The following MLC1 variants were observed in gnomAD, a reference collection of about 807,000 sequenced individuals.
MLC1 encodes membrane protein MLC1.
A neutral mutation model predicts 44.7 loss-of-function variants in MLC1; 32 were observed. That is an observed-to-expected ratio of 0.72 (90% CI 0.54 to 0.96). The LOEUF (loss-of-function observed/expected upper bound fraction) is 0.96, where lower values mean the gene tolerates loss of function less well. Among genes scored for constraint, MLC1 ranks in the 40% least tolerant of loss-of-function variants. The pLI is 0.00. For synonymous variants in MLC1, 190 were observed against 213.0 expected, an observed-to-expected ratio of 0.89 and a Z score of 0.94; for missense variants, 459 against 492.2, an observed-to-expected ratio of 0.93 and a Z score of 0.64.
At chr22:50,070,274 G>A (rs939199652) in intron 9 of MLC1, among the ~76,000 whole-genome samples, 2 of 152,212 alleles carry the variant, frequency 1.3e-5, no homozygotes, top group African/African-American at 4.8e-5. Context: ...CTCCTTCCAA[G>A]GGTTAGGCAC....
rs1307171624 is a variant in MLC1 at position 50,084,825 on chromosome 22, G to A, written c.78C>T (p.Ala26=). The change falls in exon 2 of 12, where the codon GCC becomes GCT. Residue 26 remains alanine, a synonymous_variant. Coordinates refer to ENST00000311597, the MANE Select transcript of MLC1 (RefSeq NM_015166.4). ...TCGGCTTCGCGTCTGGGGCATAGCT[G>A]GCGGGGTCTTGCCGGCCCCGCTCCA... is the stretch of plus-strand genomic sequence containing the variant. ...PTLERGRQDP[A]SYAPDAKPSD... 6.2e-7 allele frequency: 1 copy of A among 1,613,756 alleles called. No individual in the cohort carries two copies. Among genetic ancestry groups the A allele is most frequent in the Non-Finnish European group, 8.5e-7 (1 of 1,180,054 alleles).
intron 11 of MLC1, among the ~76,000 whole-genome samples, chr22:50,062,292 TCCTGAGCCCCAGCCGC>T (rs2061587442): frequency 5.0e-5 from 2 of 39,656 alleles, no homozygotes; most frequent in Admixed American, 2.7e-4. Flanking sequence ...CAGCCGTCCA[TCCTGAGCCCCAGCCGC>T]CCACCCTGAG....
chr22:50,074,255 G>A lies in MLC1; in HGVS notation c.675C>T (p.Gly225=), dbSNP rs2061926291. 6.2e-7 allele frequency: 1 copy of A among 1,613,876 alleles called. No individual in the cohort carries two copies. Among genetic ancestry groups the A allele is most frequent in the East Asian group, 2.2e-5 (1 of 44,896 alleles). ...AAAAGAACGTCACTGAGAGGTGTGG[G>A]CCTGAAACTGAGTCATCCACGTTCA... ...IALNVDDSVS[G]PHLSVTFFWI... The change falls in exon 8 of 12, where the codon GGC becomes GGT. Residue 225 remains glycine (G), a synonymous_variant. Coordinates refer to ENST00000311597, the MANE Select transcript of MLC1 (RefSeq NM_015166.4).
chr22:50,072,055 CA>C (rs2061865152), intron 8 of MLC1, among the ~76,000 whole-genome samples: 1 of 152,232 alleles, frequency 6.6e-6, no homozygotes, highest in South Asian at 2.1e-4. Flanking sequence ...GGTGTCAATA[CA>C]GGGGTCTCTC....
chr22:50,081,702 G>T (rs1032929794), intron 3 of MLC1, among the ~76,000 whole-genome samples: 3 of 152,276 alleles, frequency 2.0e-5, no homozygotes, highest in African/African-American at 7.2e-5. Flanking sequence ...CCTGAGCGAG[G>T]GGCAGAGCTA....
chr22:50,084,536 C>G (rs1186525702), intron 2 of MLC1, among the ~76,000 whole-genome samples, 190 bp downstream of exon 2: 1 of 152,196 alleles, frequency 6.6e-6, no homozygotes, highest in Non-Finnish European at 1.5e-5. Flanking sequence ...AACAGACACC[C>G]ATAAATTAAT....
chr22:50,070,354 C>G (rs1206606567), intron 9 of MLC1, among the ~76,000 whole-genome samples, 173 bp downstream of exon 9: 1 of 152,338 alleles, frequency 6.6e-6, no homozygotes, highest in East Asian at 1.9e-4. Flanking sequence ...CCCTGCTGAG[C>G]GGGCCAGCCT....
chr22:50,063,872 AC>A (rs2061636978), intron 11 of MLC1, among the ~76,000 whole-genome samples, 161 bp downstream of exon 11: 1 of 14,744 alleles, frequency 6.8e-5, no homozygotes, highest in Non-Finnish European at 1.4e-4. Context: ...CCTCCCCAGC[AC>A]CCCCTCCCCC....
rs766524233 is a variant in MLC1 at position 50,080,012 on chromosome 22, T to C, written c.329A>G (p.Asn110Ser). 19 of 1,613,242 alleles carry C rather than the reference T, an allele frequency of 1.2e-5. No homozygotes were observed. In the East Asian group the frequency reaches 3.1e-4, roughly 26 times the overall value. Reference protein sequence around the residue: ...VSRRNANVIPNFQILFVSTFA... With the variant: ...VSRRNANVIPSFQILFVSTFA... ...CGTGGAAACAAACAATATCTGAAAGTTGGGAATCTGAAAAACAAGGCAGGA... is the reference window on the plus strand; with the variant it reads ...CGTGGAAACAAACAATATCTGAAAGCTGGGAATCTGAAAAACAAGGCAGGA... The change falls in exon 5 of 12, where the codon AAC becomes AGC. Residue 110 changes from asparagine to serine, a missense_variant. Transcript: ENST00000311597.
intron 7 of MLC1, among the ~76,000 whole-genome samples, chr22:50,075,502 G>C (rs1164670246): frequency 6.6e-6 from 1 of 152,132 alleles, no homozygotes; most frequent in Admixed American, 6.5e-5. Context: ...GTGAGGTCAG[G>C]AGTTTGAGTA....
rs2061773332 is a variant in MLC1 at position 50,068,647 on chromosome 22, G to A, written c.772-92C>T. 5 of 1,311,642 alleles carry A rather than the reference G, an allele frequency of 3.8e-6. 1 individual carries two copies. Among genetic ancestry groups the A allele is most frequent in the Admixed American group, 1.7e-5 (1 of 58,670 alleles). The allele number at this position is 1,311,642 out of a possible 1,614,324, so 81.3% of individuals were successfully genotyped here. ...CAGGGCTGGGGGGGCGGGCATGGCCGGGCACTCATGGGCATAGTCCCAAGC... is the reference window on the plus strand; with the variant it reads ...CAGGGCTGGGGGGGCGGGCATGGCCAGGCACTCATGGGCATAGTCCCAAGC... On this transcript the variant is annotated intron_variant, in intron 9 of 11. Coordinates refer to ENST00000311597, the MANE Select transcript of MLC1 (RefSeq NM_015166.4).
chr22:50,085,696 G>A (rs528308979), upstream of MLC1: 5 of 152,582 alleles, frequency 3.3e-5, no homozygotes, highest in Admixed American at 6.5e-5. Flanking sequence ...TTTCTGAAAC[G>A]TAACTGTTTA....
At chr22:50,071,916 C>A (rs2061861855) in intron 8 of MLC1, among the ~76,000 whole-genome samples, 1 of 152,148 alleles carries the variant, frequency 6.6e-6, no homozygotes, top group Admixed American at 6.5e-5. Context: ...AGAGGGTGGG[C>A]AGGACAGAGA....
chr22:50,084,680 A>C (rs982111666), intron 2 of MLC1, 46 bp downstream of exon 2: 2 of 1,601,912 alleles, frequency 1.2e-6, no homozygotes, highest in African/African-American at 2.7e-5. Flanking sequence ...CACCAGAGGG[A>C]CCAGATGCTC....
intron 5 of MLC1, among the ~76,000 whole-genome samples, chr22:50,078,607 C>T (rs1310980074): frequency 3.3e-5 from 5 of 151,746 alleles, no homozygotes; most frequent in African/African-American, 4.8e-5. Flanking sequence ...GGTACGGTGG[C>T]GCACGCCTGT....
intron 10 of MLC1, among the ~76,000 whole-genome samples, chr22:50,067,961 AAC>A (rs1491018307): frequency 8.5e-6 from 1 of 117,646 alleles, no homozygotes; most frequent in African/African-American, 2.8e-5. Context: ...GAAAAAAAAA[AAC>A]AAAAAAACAA....
At chr22:50,080,079 G>C (rs1569250142) in intron 4 of MLC1, 60 bp from the exon 5 acceptor site, 7 of 1,352,950 alleles carry the variant, frequency 5.2e-6, no homozygotes, top group South Asian at 3.5e-5. Context: ...AAAGGTAACA[G>C]ATAAACCACA....
Position 50,064,159 on chromosome 22 carries a change from G to C in MLC1, c.934C>G (p.Leu312Val). The C allele has an allele frequency of 6.2e-7, 1 of 1,606,166 alleles. No individual in the cohort carries two copies. Residue 312 changes from leucine (L) to valine (V), a missense_variant, in exon 11 of 12, where the codon CTC (leucine) becomes GTC (valine). By Grantham distance (32) the Leu-to-Val change is conservative. Coordinates refer to ENST00000311597, the MANE Select transcript of MLC1 (RefSeq NM_015166.4). ...GTGTTGAGGCCGGCCTGCAGCAGGA[G>C]CACTAGCAGCAGCAGCAGCAGCAGC... ...DVLLLLLLLV[L>V]LLQAGLNTGT...
chr22:50,084,366 G>T (rs1277510079), intron 2 of MLC1, among the ~76,000 whole-genome samples: 1 of 152,110 alleles, frequency 6.6e-6, no homozygotes, highest in African/African-American at 2.4e-5. Context: ...CGACCTGAAG[G>T]CCTGAGACGC....
Sources: gnomAD v4.1 joint callset for allele counts (sites outside exome capture counted in the v4.1 genomes callset) on GRCh38, gnomAD v4.1.1 for gene constraint, MANE v1.5 for transcripts, NCBI Gene and HGNC (gene_info 2026-07-23, HGNC 2026-07-21) for gene names.